B3GALT1: variants seen among roughly 807,000 people sequenced by gnomAD.
B3GALT1 encodes the protein beta-1,3-galactosyltransferase 1, also known as UDP-Gal:betaGlcNAc beta 1,3-galactosyltransferase, polypeptide 1.
In B3GALT1, 10 loss-of-function variants were observed where a neutral mutation model predicts 23.2. The ratio of observed to expected loss-of-function variants is 0.43; its 90% CI spans 0.27 to 0.73. The LOEUF (loss-of-function observed/expected upper bound fraction) is 0.73. Among genes scored for constraint, B3GALT1 ranks in the 30% least tolerant of loss-of-function variants. The pLI, the probability that B3GALT1 is intolerant of heterozygous loss-of-function variation, is 0.21. For missense variants in B3GALT1, 299 were observed against 405.4 expected, an observed-to-expected ratio of 0.74 and a Z score of 2.25; for synonymous variants, 156 against 141.5, an observed-to-expected ratio of 1.10 and a Z score of -0.73.
chr2:167,427,929 G>C (rs1698648333), intron 1 of B3GALT1, among the ~76,000 whole-genome samples: 1 of 152,022 alleles, frequency 6.6e-6, no homozygotes, highest in African/African-American at 2.4e-5. Flanking sequence ...CAGATATTTG[G>C]AAAACAAAAG....
chr2:167,781,856 C>T (rs1285539735), intron 3 of B3GALT1, among the ~76,000 whole-genome samples: 4 of 152,204 alleles, frequency 2.6e-5, no homozygotes, highest in African/African-American at 9.6e-5. Flanking sequence ...ATCCTCCCAC[C>T]TCAGCCTCCT....
intron 4 of B3GALT1, among the ~76,000 whole-genome samples, chr2:167,864,431 G>A (rs755019877): frequency 1.3e-5 from 2 of 152,124 alleles, no homozygotes; most frequent in Non-Finnish European, 2.9e-5. Flanking sequence ...AGGCATGGTG[G>A]CATGTGCCTG....
intron 4 of B3GALT1, among the ~76,000 whole-genome samples, chr2:167,860,560 G>C (rs977902369): frequency 2.0e-5 from 3 of 152,144 alleles, no homozygotes; most frequent in African/African-American, 7.2e-5. Context: ...GTTATTCAGA[G>C]TCAATTAATA....
intron 3 of B3GALT1, among the ~76,000 whole-genome samples, chr2:167,663,988 G>A (rs1284576021): frequency 2.6e-5 from 4 of 151,026 alleles, no homozygotes; most frequent in South Asian, 2.1e-4. Flanking sequence ...TGTCAATTTT[G>A]GCTTTTGTTG....
At chr2:167,807,192 G>C (rs975453393) in intron 3 of B3GALT1, among the ~76,000 whole-genome samples, 1 of 152,062 alleles carries the variant, frequency 6.6e-6, no homozygotes. Context: ...GCATCTATTT[G>C]ATTCTTCTCT....
At chr2:167,671,414 C>G (rs1167937035) in intron 3 of B3GALT1, among the ~76,000 whole-genome samples, 1 of 151,930 alleles carries the variant, frequency 6.6e-6, no homozygotes, top group East Asian at 1.9e-4. Flanking sequence ...TGTTGAGCCA[C>G]AAAATAAGTC....
chr2:167,621,153 A>G (rs1162258145), intron 2 of B3GALT1, among the ~76,000 whole-genome samples: 1 of 147,790 alleles, frequency 6.8e-6, no homozygotes, highest in African/African-American at 2.5e-5. Context: ...CAGTGGCACA[A>G]TTATGGCTCA....
Position 167,869,364 on chromosome 2 carries a change from G to A in B3GALT1, c.325G>A (p.Gly109Arg), listed in dbSNP as rs746228037. 1.4e-5 allele frequency: 22 copies of A among 1,614,076 alleles called. No homozygotes were observed. Among genetic ancestry groups the A allele is most frequent in the South Asian group, 1.3e-4 (12 of 91,068 alleles). ...GTGGGGGGATGAGAACAACTTTAAG[G>A]GGATCAAGATAGCCACCCTGTTCCT... ...ETWGDENNFK[G>R]IKIATLFLLG... Residue 109 changes from glycine (G) to arginine (R), a missense_variant, in exon 5 of 5, where the codon GGG becomes AGG. Gly to Arg is a moderately radical substitution (Grantham distance 125). Transcript: ENST00000392690. This position sits in a 1 kb window ranked among gnomAD's most constrained non-coding sequence, Gnocchi z 6.4.
At chr2:167,464,099 GC>G (rs1663693216) in intron 1 of B3GALT1, among the ~76,000 whole-genome samples, 1 of 151,542 alleles carries the variant, frequency 6.6e-6, no homozygotes, top group South Asian at 2.1e-4. Flanking sequence ...ACTTTCTGAA[GC>G]AGTTAATTTA....
chr2:167,611,507 A>G (rs980716369), intron 2 of B3GALT1, among the ~76,000 whole-genome samples: 1 of 151,942 alleles, frequency 6.6e-6, no homozygotes, highest in African/African-American at 2.4e-5. Context: ...TCCTTTTTGC[A>G]TTAAACGCAA....
At chr2:167,513,582 G>C (rs997225276) in intron 2 of B3GALT1, among the ~76,000 whole-genome samples, 1 of 152,110 alleles carries the variant, frequency 6.6e-6, no homozygotes, top group Non-Finnish European at 1.5e-5. Context: ...GAAAAGAAGT[G>C]AAATGTCTTC....
At chr2:167,428,251 A>G (rs1698653080) in intron 1 of B3GALT1, among the ~76,000 whole-genome samples, 1 of 152,204 alleles carries the variant, frequency 6.6e-6, no homozygotes, top group African/African-American at 2.4e-5. Context: ...GTAGACAGAA[A>G]ATTTGGTTTT....
At chr2:167,405,807 T>G (rs1698264835) in intron 1 of B3GALT1, among the ~76,000 whole-genome samples, 1 of 152,076 alleles carries the variant, frequency 6.6e-6, no homozygotes, top group Non-Finnish European at 1.5e-5. Context: ...CCGTAGAGAA[T>G]CATGAAATAA....
intron 2 of B3GALT1, among the ~76,000 whole-genome samples, chr2:167,643,002 A>G (rs1056708914): frequency 3.3e-5 from 5 of 152,194 alleles, no homozygotes; most frequent in East Asian, 1.9e-4. Context: ...AGTTATGTGT[A>G]AGGATGTAAA....
chr2:167,400,184 G>GTGTGTGTGTGTGTC (rs1553517162), intron 1 of B3GALT1, among the ~76,000 whole-genome samples: 1 of 151,450 alleles, frequency 6.6e-6, no homozygotes, highest in African/African-American at 2.4e-5. Flanking sequence ...GTGTGTGTGT[G>GTGTGTGTGTGTGTC]TGTGTGTGTC....
chr2:167,553,026 TC>T (rs1683776761), intron 2 of B3GALT1, among the ~76,000 whole-genome samples: 1 of 152,164 alleles, frequency 6.6e-6, no homozygotes, highest in African/African-American at 2.4e-5. Context: ...TACTATTTTA[TC>T]CCTGATTATA....
rs957107711 is a variant in B3GALT1 at position 167,868,976 on chromosome 2, G to A, written c.-64G>A. The stretch of plus-strand genomic sequence containing the variant: ...TAGTAATATGCTGCCTTTGGAAGAT[G>A]AAAACAAACTAGTGCCAAGGAGGCG... On this transcript the variant is annotated 5_prime_UTR_variant, in exon 5 of 5. An upstream start codon of the reference 5' UTR is lost. Coordinates refer to ENST00000392690, the MANE Select transcript of B3GALT1 (RefSeq NM_020981.4). 15 of 1,508,824 alleles carry A rather than the reference G, an allele frequency of 9.9e-6. No homozygotes were observed. The African/African-American group carries it at 1.7e-4, about 17-fold the overall frequency. 93.5% of individuals were successfully genotyped at this position (1,508,824 alleles called of 1,614,324 possible).
rs80225143 is a variant in B3GALT1, at chr2:167,608,234, A to G, written c.-409-38675A>G. Reference sequence around the variant, plus strand: ...TAATCCATTACAAAATTAAACAAACATAAGTGGACAACTAATAAGATAGAG... The same window carrying G: ...TAATCCATTACAAAATTAAACAAACGTAAGTGGACAACTAATAAGATAGAG... On this transcript the variant is annotated intron_variant, in intron 2 of 4. Coordinates refer to ENST00000392690, the MANE Select transcript of B3GALT1 (RefSeq NM_020981.4). Among the ~76,000 whole-genome samples the G allele has an allele frequency of 1.9e-3, 290 of 152,346 alleles. 2 individuals carry two copies. In the East Asian group the frequency reaches 0.035, roughly 19 times the overall value.
intron 3 of B3GALT1, among the ~76,000 whole-genome samples, chr2:167,686,543 T>G (rs1686619023): frequency 6.6e-6 from 1 of 152,206 alleles, no homozygotes; most frequent in Non-Finnish European, 1.5e-5. Flanking sequence ...TTCCTTCTCC[T>G]TGCTATATTG....
Sources: allele counts gnomAD v4.1 joint callset (sites outside exome capture counted in the v4.1 genomes callset), GRCh38; gene constraint gnomAD v4.1.1; non-coding constraint Gnocchi (gnomAD v3.1); transcripts MANE v1.5; gene names NCBI Gene and HGNC (gene_info 2026-07-23, HGNC 2026-07-21).